Variants in SEC24D observed in about 807,000 individuals in gnomAD.
SEC24D encodes the protein SEC24 homolog D, COPII component.
Under a neutral mutation model 116.9 loss-of-function variants are expected in SEC24D, and 69 were observed. The observed-to-expected ratio is 0.59, with a 90% CI of 0.49 to 0.72. The LOEUF (loss-of-function observed/expected upper bound fraction) is 0.72, where lower values mean the gene tolerates loss of function less well. Among genes scored for constraint, SEC24D ranks in the 30% least tolerant of loss-of-function variants. The pLI is 0.00. For synonymous variants in SEC24D, 405 were observed against 442.8 expected (o/e 0.91, Z 1.07); for missense variants, 1,131 against 1,264.1 (o/e 0.89, Z 1.60).
At chr4:118,765,200 C>T (rs1727588020) in intron 9 of SEC24D, among the ~76,000 whole-genome samples, 2 of 152,024 alleles carry the variant, frequency 1.3e-5, no homozygotes, top group Admixed American at 1.3e-4. Context: ...TTGTCACAAC[C>T]CAAATTCAAT....
intron 2 of SEC24D, among the ~76,000 whole-genome samples, chr4:118,831,178 T>TTG (rs1357644923): frequency 9.2e-5 from 14 of 152,228 alleles, no homozygotes; most frequent in Admixed American, 4.6e-4. Flanking sequence ...TGTGCCACCA[T>TTG]GCCCAGCTAA....
At chr4:118,830,241 G>T (rs1730787442) in intron 2 of SEC24D, among the ~76,000 whole-genome samples, 1 of 152,184 alleles carries the variant, frequency 6.6e-6, no homozygotes, top group Admixed American at 6.5e-5. Flanking sequence ...AAGCATGAAG[G>T]ATTTAATCCA....
intron 2 of SEC24D, among the ~76,000 whole-genome samples, chr4:118,830,468 A>T (rs1453336095): frequency 6.6e-6 from 1 of 152,226 alleles, no homozygotes; most frequent in Admixed American, 6.5e-5. Flanking sequence ...TAATTTAATT[A>T]AATATTGGTA....
intron 8 of SEC24D, among the ~76,000 whole-genome samples, chr4:118,791,908 C>G (rs538517669): frequency 4.6e-5 from 7 of 152,324 alleles, no homozygotes; most frequent in Non-Finnish European, 1.0e-4. Context: ...CCCTGGCCTC[C>G]CAAAGTGCTG....
chr4:118,766,751 G>A (rs1466177828), intron 9 of SEC24D: 1 of 152,190 alleles, frequency 6.6e-6, no homozygotes, highest in African/African-American at 2.4e-5. Context: ...GGAGCTGGTG[G>A]GCTCGCTGGA....
intron 8 of SEC24D, among the ~76,000 whole-genome samples, chr4:118,794,591 T>C (rs1262391664): frequency 2.6e-5 from 4 of 152,186 alleles, no homozygotes; most frequent in African/African-American, 9.7e-5. Context: ...CTTCTGTTTA[T>C]GAAAATAAAA....
intron 22 of SEC24D, among the ~76,000 whole-genome samples, chr4:118,727,642 C>T (rs1291203107): frequency 6.6e-6 from 1 of 151,488 alleles, no homozygotes; most frequent in Admixed American, 6.6e-5. Context: ...AGAGAGAATG[C>T]CCTAGAAAAA....
chr4:118,723,768 T>TG, intron 22 of SEC24D, 113 bp from the exon 23 acceptor site: 2 of 1,169,486 alleles, frequency 1.7e-6, no homozygotes, highest in Admixed American at 2.3e-5. Context: ...CCATTATGTG[T>TG]GAGGCTATGG....
At chr4:118,832,166 C>T (rs1192957912) in intron 2 of SEC24D, among the ~76,000 whole-genome samples, 3 of 152,094 alleles carry the variant, frequency 2.0e-5, no homozygotes, top group African/African-American at 7.2e-5. Context: ...ACCCAGGAGG[C>T]GGAGGTTGCA....
chr4:118,806,805 G>A (rs1729699211), intron 6 of SEC24D, among the ~76,000 whole-genome samples: 1 of 151,818 alleles, frequency 6.6e-6, no homozygotes, highest in South Asian at 2.1e-4. Context: ...GCAACAGAGT[G>A]AGGCCTCATC....
intron 2 of SEC24D, 77 bp from the exon 3 acceptor site, chr4:118,824,826 G>A (rs1730532733): frequency 7.5e-7 from 1 of 1,341,754 alleles, no homozygotes; most frequent in Non-Finnish European, 1.0e-6. Context: ...GGTTAAAAAT[G>A]AGAACTAGGT....
In SEC24D at chr4:118,738,329, C is replaced by G. The variant is rs929592449; in HGVS notation, c.2428G>C (p.Val810Leu). Residue 810 changes from valine (V) to leucine (L), a missense_variant, in exon 19 of 23, where the codon GTT (valine) becomes CTT (leucine). Val to Leu is a conservative substitution (Grantham distance 32). Transcript: ENST00000280551. ...QPLKVIREIL[V>L]NQTAHMLACY... ...GCCAACATATGGGCAGTCTGATTAA[C>G]TAGAATTTCCCGGATGACCTTCAAA... 1 of 1,613,588 alleles carries G rather than the reference C, an allele frequency of 6.2e-7. No individual in the cohort carries two copies. Among genetic ancestry groups the G allele is most frequent in the Non-Finnish European group, 8.5e-7 (1 of 1,179,616 alleles).
Position 118,757,757 on chromosome 4 carries a change from C to T in SEC24D, c.1385G>A (p.Cys462Tyr), listed in dbSNP as rs976159294. Reference protein sequence around the residue: ...NIKNGLVKLICEELKTMLEKI... With the variant: ...NIKNGLVKLIYEELKTMLEKI... The stretch of plus-strand genomic sequence containing the variant: ...TTCCAGCATGGTCTTCAGTTCTTCA[C>T]ATATGAGCTTGACAAGTCCATTCTT... Residue 462 changes from cysteine to tyrosine, a missense_variant, in exon 11 of 23, where the codon TGT (cysteine) becomes TAT (tyrosine). By Grantham distance (194) the Cys-to-Tyr change is radical. Transcript: ENST00000280551. 1.2e-6 allele frequency: 2 copies of T among 1,610,804 alleles called. No homozygotes were observed. The highest frequency in any genetic ancestry group is 2.7e-5 in the African/African-American group (2 of 74,844).
intron 13 of SEC24D, 136 bp downstream of exon 13, chr4:118,751,860 T>G: frequency 1.5e-6 from 1 of 661,120 alleles, no homozygotes; most frequent in Non-Finnish European, 2.7e-6. Flanking sequence ...GAGATCTGAG[T>G]GGAAGTTTGG....
At chr4:118,775,526 T>C (rs1238016518) in intron 8 of SEC24D, among the ~76,000 whole-genome samples, 2 of 152,004 alleles carry the variant, frequency 1.3e-5, no homozygotes, top group Non-Finnish European at 2.9e-5. Context: ...AGCAGGCAAG[T>C]AGCCTTGAAC....
intron 8 of SEC24D, among the ~76,000 whole-genome samples, chr4:118,780,170 C>G (rs1393123328): frequency 1.3e-5 from 2 of 152,102 alleles, no homozygotes; most frequent in African/African-American, 4.8e-5. Flanking sequence ...TCTTGCTTCT[C>G]TAGTTCTTTT....
intron 19 of SEC24D, among the ~76,000 whole-genome samples, chr4:118,735,052 G>A (rs1272722201): frequency 3.9e-5 from 6 of 152,142 alleles, no homozygotes; most frequent in Admixed American, 3.9e-4. Context: ...AAATTTCACT[G>A]GTTGCTTCTA....
intron 8 of SEC24D, among the ~76,000 whole-genome samples, chr4:118,782,092 C>T (rs987227164): frequency 2.0e-5 from 3 of 152,186 alleles, no homozygotes; most frequent in Non-Finnish European, 4.4e-5. Context: ...TCTGTCAATT[C>T]GTCAAAGTCA....
At chr4:118,734,282 C>T (rs1014682623) in intron 19 of SEC24D, among the ~76,000 whole-genome samples, 14 of 151,638 alleles carry the variant, frequency 9.2e-5, no homozygotes, top group African/African-American at 3.4e-4. Context: ...GGCGCAATCT[C>T]GGGTCACTGC....
Sources: allele counts gnomAD v4.1 joint callset (sites outside exome capture counted in the v4.1 genomes callset), GRCh38; gene constraint gnomAD v4.1.1; transcripts MANE v1.5; gene names NCBI Gene and HGNC (gene_info 2026-07-23, HGNC 2026-07-21).